CASZ1: variants seen among roughly 807,000 people sequenced by gnomAD.
CASZ1 encodes the protein zinc finger protein castor homolog 1.
Under a neutral mutation model 135.2 loss-of-function variants are expected in CASZ1, and 28 were observed. The observed-to-expected ratio is 0.21, with a 90% CI of 0.15 to 0.28. The LOEUF is 0.28. Among genes scored for constraint, CASZ1 ranks in the 10% least tolerant of loss-of-function variants. The pLI is 1.00. For missense variants in CASZ1, 2,161 were observed against 2,453.3 expected, an observed-to-expected ratio of 0.88 and a Z score of 2.52; for synonymous variants, 1,068 against 1,073.4, an observed-to-expected ratio of 0.99 and a Z score of 0.10.
At chr1:10,773,514 C>T (rs1484368360) in intron 1 of CASZ1, among the ~76,000 whole-genome samples, 4 of 152,064 alleles carry the variant, frequency 2.6e-5, no homozygotes, top group South Asian at 2.1e-4. Flanking sequence ...AGGAAATGGG[C>T]GAGCGGGGGT....
intron 1 of CASZ1, among the ~76,000 whole-genome samples, chr1:10,765,739 A>G (rs2100584013): frequency 6.6e-6 from 1 of 152,326 alleles, no homozygotes; most frequent in South Asian, 2.1e-4. Context: ...CTGAATTCTC[A>G]GAACTCCCAG....
At chr1:10,678,474 G>A (rs6540943) in intron 4 of CASZ1, among the ~76,000 whole-genome samples, 56,359 of 151,122 alleles carry the variant, frequency 0.37, 11,953 homozygotes, top group Non-Finnish European at 0.46. Flanking sequence ...GTGCCCACAG[G>A]GCCGGGGCAG....
chr1:10,699,729 C>T lies in CASZ1; in HGVS notation c.-24+5763G>A, dbSNP rs889673271. ...GAGGGAGAGAGAAGGAGGAAAAAAC[C>T]CCAAACCAAAATCCAACAGACTGAT... On this transcript the variant is annotated intron_variant, in intron 3 of 20. Transcript: ENST00000377022. This position sits in a 1 kb window ranked among gnomAD's most constrained non-coding sequence, Gnocchi z 4.6. Among the ~76,000 whole-genome samples, 5 of 152,152 alleles carry T rather than the reference C, an allele frequency of 3.3e-5. No individual in the cohort carries two copies. Among genetic ancestry groups the T allele is most frequent in the African/African-American group, 1.2e-4 (5 of 41,422 alleles).
chr1:10,688,006 C>T (rs1338648851), intron 4 of CASZ1, among the ~76,000 whole-genome samples: 4 of 152,202 alleles, frequency 2.6e-5, no homozygotes, highest in African/African-American at 9.6e-5. Flanking sequence ...CGGGGAGGCA[C>T]TTGGGGAAGA....
At chr1:10,734,173 G>A (rs533608114) in intron 2 of CASZ1, among the ~76,000 whole-genome samples, 2 of 150,878 alleles carry the variant, frequency 1.3e-5, no homozygotes, top group East Asian at 2.0e-4. Context: ...GGTGGCAGCC[G>A]CCCCCCTTCC....
At chr1:10,677,203 A>C (rs934859869) in intron 4 of CASZ1, among the ~76,000 whole-genome samples, 1 of 152,062 alleles carries the variant, frequency 6.6e-6, no homozygotes, top group Non-Finnish European at 1.5e-5. Flanking sequence ...TCAGGCTGGA[A>C]GGAACGCCAG....
intron 2 of CASZ1, among the ~76,000 whole-genome samples, chr1:10,708,988 T>C (rs1022157005): frequency 4.0e-5 from 1 of 24,884 alleles, no homozygotes; most frequent in African/African-American, 1.3e-4. Context: ...GGGCCATGGG[T>C]GAGGGAGGGA....
intron 5 of CASZ1, chr1:10,660,974 T>G: frequency 1.0e-5 from 2 of 196,226 alleles, no homozygotes; most frequent in Non-Finnish European, 2.1e-5. Flanking sequence ...GGCAGCTGGG[T>G]GGGAGCCCAG....
rs181435592 is a variant in CASZ1, at chr1:10,719,045, T to C, written c.-76-13501A>G. Among the ~76,000 whole-genome samples the C allele has an allele frequency of 2.6e-4, 40 of 152,222 alleles. No homozygotes were observed. The East Asian group carries it at 5.4e-3, about 21-fold the overall frequency. ...GTTGTGCCTCAGCCTCCCGAGTAAC[T>C]GGGATTACAGGCACTCGCCACCACA... On this transcript the variant is annotated intron_variant, in intron 2 of 20. Coordinates refer to ENST00000377022, the MANE Select transcript of CASZ1 (RefSeq NM_001079843.3). This position sits in a 1 kb window ranked among gnomAD's most constrained non-coding sequence, Gnocchi z 4.0.
rs1203568161 is a variant in CASZ1 at position 10,727,408 on chromosome 1, C to A, written c.-76-21864G>T. Among the ~76,000 whole-genome samples the A allele has an allele frequency of 7.9e-5, 12 of 151,340 alleles. No homozygotes were observed. Among genetic ancestry groups the A allele is most frequent in the Non-Finnish European group, 1.2e-4 (8 of 67,704 alleles). ...TAAGTCCAGAAAAGAAAAAAAAAAA[C>A]AACCCAGCCTCCCAGAAGCTCACAA... On this transcript the variant is annotated intron_variant, in intron 2 of 20. Transcript: ENST00000377022. This position sits in a 1 kb window ranked among gnomAD's most constrained non-coding sequence, Gnocchi z 5.3.
Position 10,665,211 on chromosome 1 carries a change from G to T in CASZ1, c.377C>A (p.Pro126His), listed in dbSNP as rs1643189143. Residue 126 changes from proline (P) to histidine (H), a missense_variant, in exon 5 of 21, where the codon CCC (proline) becomes CAC (histidine). Physicochemically the swap from Pro to His is moderately conservative, Grantham distance 77 (BLOSUM62 -2). This residue lies in a region of CASZ1 where 590 missense variants were observed against 609.8 expected (regional missense o/e 0.97). Coordinates refer to ENST00000377022, the MANE Select transcript of CASZ1 (RefSeq NM_001079843.3). ...GTCTTCCTCATCGCTGCACCCCTGG[G>T]GCTGCACCATGTAGACACCCTCGGG... ...LPPEGVYMVQ[P>H]QGCSDEEDHA... The T allele has an allele frequency of 6.3e-7, 1 of 1,592,102 alleles. No individual in the cohort carries two copies. Among genetic ancestry groups the T allele is most frequent in the South Asian group, 1.1e-5 (1 of 87,762 alleles).
intron 1 of CASZ1, among the ~76,000 whole-genome samples, chr1:10,766,544 CT>C (rs1171299196): frequency 6.6e-6 from 1 of 152,198 alleles, no homozygotes; most frequent in Admixed American, 6.5e-5. Context: ...TCAGGTGCTT[CT>C]GGCCGGGCTG....
intron 2 of CASZ1, among the ~76,000 whole-genome samples, chr1:10,732,273 C>T (rs1486164417): frequency 1.4e-5 from 2 of 147,632 alleles, no homozygotes; most frequent in Non-Finnish European, 1.5e-5. Flanking sequence ...TGCAGTGAGC[C>T]GAGTGCAACT....
At position 10,762,601 on chromosome 1, in the gene CASZ1, C is replaced by T. The variant is rs575957686; in HGVS notation, c.-233-1744G>A. On this transcript the variant is annotated intron_variant, in intron 1 of 20. Coordinates refer to ENST00000377022, the MANE Select transcript of CASZ1 (RefSeq NM_001079843.3). This position sits in a 1 kb window ranked among gnomAD's most constrained non-coding sequence, Gnocchi z 4.1. ...AGGCATGCCTTGGACCACCTACACT[C>T]CTACTCCAAGAATCTCCATCTGCTG... Among the ~76,000 whole-genome samples, 95 of 152,286 alleles carry T rather than the reference C, an allele frequency of 6.2e-4. 3 individuals are homozygous for T. The South Asian group carries it at 0.019, about 31-fold the overall frequency.
chr1:10,664,618 G>T (rs1327669642), intron 5 of CASZ1, among the ~76,000 whole-genome samples: 1 of 152,006 alleles, frequency 6.6e-6, no homozygotes. Context: ...GGGCTCCTCC[G>T]AGAAAGCTCC....
rs1163781725 is a variant in CASZ1, at chr1:10,717,710, G to A, written c.-76-12166C>T. Among the ~76,000 whole-genome samples the A allele has an allele frequency of 2.6e-5, 4 of 152,116 alleles. No homozygotes were observed. Among genetic ancestry groups the A allele is most frequent in the Non-Finnish European group, 5.9e-5 (4 of 68,014 alleles). ...AACCCTTGCCAATTCCCCCCCAACTGATGTCAGAGCTGCCGGCACCCTGAA... is the reference window on the plus strand; with the variant it reads ...AACCCTTGCCAATTCCCCCCCAACTAATGTCAGAGCTGCCGGCACCCTGAA... On this transcript the variant is annotated intron_variant, in intron 2 of 20. Coordinates refer to ENST00000377022, the MANE Select transcript of CASZ1 (RefSeq NM_001079843.3). The surrounding 1 kb of genome is among the most constrained non-coding windows in gnomAD (Gnocchi z 4.6).
chr1:10,679,376 C>T lies in CASZ1; in HGVS notation c.17-13805G>A, dbSNP rs1638340644. ...AACACTCCCAACCCCGGACTTAGGC[C>T]CCTGTCAGAATAGACCCCTGGAGCC... is the stretch of plus-strand genomic sequence containing the variant. On this transcript the variant is annotated intron_variant, in intron 4 of 20. Coordinates refer to ENST00000377022, the MANE Select transcript of CASZ1 (RefSeq NM_001079843.3). This position sits in a 1 kb window ranked among gnomAD's most constrained non-coding sequence, Gnocchi z 4.7. Among the ~76,000 whole-genome samples, 1 of 152,126 alleles carries T rather than the reference C, an allele frequency of 6.6e-6. No individual in the cohort carries two copies. The highest frequency in any genetic ancestry group is 2.4e-5 in the African/African-American group (1 of 41,398).
chr1:10,668,250 C>T (rs536324436), intron 4 of CASZ1, among the ~76,000 whole-genome samples: 1 of 152,232 alleles, frequency 6.6e-6, no homozygotes, highest in Admixed American at 6.5e-5. Flanking sequence ...GATCCGCCCC[C>T]CACCCCGCTG....
chr1:10,790,147 C>T lies in CASZ1; in HGVS notation c.-234+6417G>A, dbSNP rs188286021. Among the ~76,000 whole-genome samples, 383 of 152,324 alleles carry T rather than the reference C, an allele frequency of 2.5e-3. 3 individuals carry two copies. The highest frequency in any genetic ancestry group is 8.9e-3 in the African/African-American group (370 of 41,570). Reference sequence around the variant, plus strand: ...AGAGATCACCAGGCAGCCAGAACCACGGCTGACTTCTGGCCATCTGGGACT... The same window carrying T: ...AGAGATCACCAGGCAGCCAGAACCATGGCTGACTTCTGGCCATCTGGGACT... On this transcript the variant is annotated intron_variant, in intron 1 of 20. Coordinates refer to ENST00000377022, the MANE Select transcript of CASZ1 (RefSeq NM_001079843.3).
Sources: gnomAD v4.1 joint callset for allele counts (sites outside exome capture counted in the v4.1 genomes callset) on GRCh38, gnomAD v4.1.1 for gene constraint, gnomAD v4.1.1 regional missense constraint, Gnocchi (gnomAD v3.1) non-coding constraint, MANE v1.5 for transcripts, NCBI Gene and HGNC (gene_info 2026-07-23, HGNC 2026-07-21) for gene names.